The following TMEM132B variants were observed in gnomAD, a reference collection of about 807,000 sequenced individuals.
TMEM132B encodes transmembrane protein 132B.
A neutral mutation model predicts 90.8 loss-of-function variants in TMEM132B; 18 were observed. The ratio of observed to expected loss-of-function variants is 0.20; its 90% CI spans 0.14 to 0.29. TMEM132B has a LOEUF of 0.29. Ranked by LOEUF, TMEM132B falls within the 10% of genes least tolerant of loss-of-function variation. The pLI, the probability that TMEM132B is intolerant of heterozygous loss-of-function variation, is 1.00. For missense variants in TMEM132B, 1,096 were observed against 1,326.8 expected (o/e 0.83, Z 2.70); for synonymous variants, 504 against 523.3 (o/e 0.96, Z 0.50).
chr12:125,422,944 A>G (rs77856222), intron 3 of TMEM132B, among the ~76,000 whole-genome samples: 1,647 of 152,246 alleles, frequency 0.011, 26 homozygotes, highest in African/African-American at 0.037. Context: ...AGCCCCAGGA[A>G]ACTAGACCAG....
At chr12:125,505,176 A>AC (rs200573488) in intron 3 of TMEM132B, among the ~76,000 whole-genome samples, 4 of 135,604 alleles carry the variant, frequency 2.9e-5, no homozygotes, top group African/African-American at 9.3e-5. Context: ...CAAAAAAAAA[A>AC]AAAAAAAAAA....
chr12:125,636,290 T>C (rs1472722296), intron 5 of TMEM132B, among the ~76,000 whole-genome samples: 1 of 152,022 alleles, frequency 6.6e-6, no homozygotes, highest in Admixed American at 6.5e-5. Context: ...CGGCTTGAAA[T>C]TCCTTTAGTG....
At chr12:125,617,123 T>C (rs184800885) in intron 5 of TMEM132B, among the ~76,000 whole-genome samples, 2 of 152,360 alleles carry the variant, frequency 1.3e-5, no homozygotes, top group Non-Finnish European at 1.5e-5. Flanking sequence ...TGATTTTTCA[T>C]TGTTTTTGAA....
At chr12:125,477,493 G>T (rs1881915522) in intron 3 of TMEM132B, among the ~76,000 whole-genome samples, 1 of 150,868 alleles carries the variant, frequency 6.6e-6, no homozygotes, top group African/African-American at 2.4e-5. Flanking sequence ...CTTTCTCAAA[G>T]AAAAAATTCC....
chr12:125,454,392 T>TGTTTGTG (rs1555250638), intron 3 of TMEM132B, among the ~76,000 whole-genome samples: 3 of 112,082 alleles, frequency 2.7e-5, no homozygotes, highest in Admixed American at 9.8e-5. Context: ...GTGTGTGTGT[T>TGTTTGTG]TGTGTGTGTG....
intron 5 of TMEM132B, among the ~76,000 whole-genome samples, chr12:125,639,342 A>C (rs1886569976): frequency 6.6e-6 from 1 of 152,230 alleles, no homozygotes; most frequent in African/African-American, 2.4e-5. Flanking sequence ...TACCATGATA[A>C]CCTTGTGTAA....
rs142756750 is a variant in TMEM132B, at chr12:125,265,385, CAA to C, written c.67+78522_67+78523del. On this transcript the variant is annotated intron_variant, in intron 1 of 8. Transcript: ENST00000682704. ...CATAGTAAGAGATGAATGACAATAA[CAA>C]AATACCACAATTATAACAATATACT... is the stretch of plus-strand genomic sequence containing the variant. 4.6e-4 allele frequency among the ~76,000 whole-genome samples: 70 copies of C among 152,088 alleles called. No individual in the cohort carries two copies. The East Asian group carries it at 0.012, about 26-fold the overall frequency.
chr12:125,359,210 A>G (rs1355513755), intron 2 of TMEM132B, among the ~76,000 whole-genome samples: 1 of 152,232 alleles, frequency 6.6e-6, no homozygotes, highest in Non-Finnish European at 1.5e-5. Flanking sequence ...ATAATACCTG[A>G]CAGGGTGAAT....
chr12:125,519,354 T>C, intron 3 of TMEM132B, 85 bp from the exon 4 acceptor site: 2 of 1,370,390 alleles, frequency 1.5e-6, no homozygotes, highest in Non-Finnish European at 2.0e-6. Flanking sequence ...GGTTGACAAA[T>C]AAGAATGTGG....
intron 2 of TMEM132B, among the ~76,000 whole-genome samples, chr12:125,384,002 A>G (rs942553719): frequency 2.0e-5 from 3 of 152,028 alleles, no homozygotes; most frequent in African/African-American, 7.2e-5. Flanking sequence ...GCTGGAGTGC[A>G]GTGGTGTGAC....
At chr12:125,299,274 T>C (rs1042921841) in intron 1 of TMEM132B, among the ~76,000 whole-genome samples, 1 of 152,168 alleles carries the variant, frequency 6.6e-6, no homozygotes, top group Non-Finnish European at 1.5e-5. Context: ...TCGGGTCTGT[T>C]CCTTTCTCCC....
chr12:125,557,217 A>G (rs1018026711), intron 4 of TMEM132B, among the ~76,000 whole-genome samples: 5 of 152,074 alleles, frequency 3.3e-5, no homozygotes, highest in African/African-American at 1.2e-4. Flanking sequence ...CCTTTACCTT[A>G]GAAGACTTTC....
At chr12:125,547,412 T>C (rs1395670361) in intron 4 of TMEM132B, among the ~76,000 whole-genome samples, 1 of 152,258 alleles carries the variant, frequency 6.6e-6, no homozygotes, top group East Asian at 1.9e-4. Context: ...TGTCTTTTCA[T>C]GTGCTTTTGG....
At chr12:125,389,945 G>A (rs1210368314) in intron 2 of TMEM132B, among the ~76,000 whole-genome samples, 2 of 152,158 alleles carry the variant, frequency 1.3e-5, no homozygotes, top group African/African-American at 2.4e-5. Context: ...TGCATAGCTC[G>A]ATGAATTTTT....
At chr12:125,584,029 C>T (rs753537938) in intron 5 of TMEM132B, 35 bp downstream of exon 5, 27 of 1,613,598 alleles carry the variant, frequency 1.7e-5, no homozygotes, top group East Asian at 1.6e-4. Context: ...GTCCTAAGTG[C>T]TCAGAGCTTT....
intron 1 of TMEM132B, among the ~76,000 whole-genome samples, chr12:125,244,422 C>T (rs1011142877): frequency 2.6e-5 from 4 of 152,154 alleles, no homozygotes; most frequent in Admixed American, 6.5e-5. Flanking sequence ...GCAGTGCTGG[C>T]CCCTCAGGGA....
chr12:125,603,659 C>G (rs150191423), intron 5 of TMEM132B, among the ~76,000 whole-genome samples: 12 of 152,274 alleles, frequency 7.9e-5, no homozygotes, highest in African/African-American at 2.4e-4. Context: ...TCAGAGTGAA[C>G]AGGCAACCTA....
At chr12:125,488,557 C>T (rs1882260810) in intron 3 of TMEM132B, among the ~76,000 whole-genome samples, 1 of 152,192 alleles carries the variant, frequency 6.6e-6, no homozygotes, top group Non-Finnish European at 1.5e-5. Flanking sequence ...CTGCCCTGCA[C>T]AAGCTCTCTC....
At chr12:125,548,324 A>T (rs1405187434) in intron 4 of TMEM132B, among the ~76,000 whole-genome samples, 1 of 152,226 alleles carries the variant, frequency 6.6e-6, no homozygotes, top group East Asian at 1.9e-4. Flanking sequence ...TTGCAGATGT[A>T]GGCAGATATC....
Sources: gnomAD v4.1 joint callset for allele counts (sites outside exome capture counted in the v4.1 genomes callset) on GRCh38, gnomAD v4.1.1 for gene constraint, MANE v1.5 for transcripts, NCBI Gene and HGNC (gene_info 2026-07-23, HGNC 2026-07-21) for gene names.